Variants in CEP128 observed in about 807,000 individuals in gnomAD.
CEP128 encodes centrosomal protein 128.
A neutral mutation model predicts 156.7 loss-of-function variants in CEP128; 132 were observed. The ratio of observed to expected loss-of-function variants is 0.84; its 90% CI spans 0.73 to 0.97. The LOEUF (loss-of-function observed/expected upper bound fraction) is 0.97. Ranked by LOEUF, CEP128 falls within the 50% of genes least tolerant of loss-of-function variation. The pLI is 0.00. For synonymous variants in CEP128, 469 were observed against 448.9 expected (o/e 1.04, Z -0.57); for missense variants, 1,252 against 1,281.9 (o/e 0.98, Z 0.36).
chr14:80,782,340 C>T (rs529566711), intron 15 of CEP128, among the ~76,000 whole-genome samples: 1 of 152,300 alleles, frequency 6.6e-6, no homozygotes, highest in East Asian at 1.9e-4. Context: ...TCTGAAAATT[C>T]TTATATTGCA....
At chr14:80,927,190 G>A (rs1041578863) in intron 2 of CEP128, among the ~76,000 whole-genome samples, 6 of 152,176 alleles carry the variant, frequency 3.9e-5, no homozygotes, top group Admixed American at 6.5e-5. Flanking sequence ...CAGACACCCC[G>A]TCGGACAAAA....
chr14:80,857,734 C>CAAA (rs746111217), intron 9 of CEP128, among the ~76,000 whole-genome samples: 59 of 83,158 alleles, frequency 7.1e-4, no homozygotes, highest in African/African-American at 1.9e-3. Context: ...GACCCCATCT[C>CAAA]AAAAAAAAAC....
At chr14:80,571,766 GA>G (rs1266947175) in intron 20 of CEP128, among the ~76,000 whole-genome samples, 2 of 151,474 alleles carry the variant, frequency 1.3e-5, no homozygotes. Flanking sequence ...GGAAGAAATT[GA>G]AAGAAAAAGA....
intron 19 of CEP128, among the ~76,000 whole-genome samples, chr14:80,670,617 T>G (rs1332799194): frequency 6.6e-6 from 1 of 152,086 alleles, no homozygotes; most frequent in African/African-American, 2.4e-5. Context: ...TAATAGATAC[T>G]GGAGATTAGA....
chr14:80,898,224 TA>T (rs1281758433), intron 7 of CEP128, among the ~76,000 whole-genome samples: 2 of 152,202 alleles, frequency 1.3e-5, no homozygotes, highest in East Asian at 3.8e-4. Flanking sequence ...AATCAGTAAT[TA>T]AATGAGAATA....
At chr14:80,738,853 G>T (rs149420542) in intron 19 of CEP128, among the ~76,000 whole-genome samples, 64 of 152,286 alleles carry the variant, frequency 4.2e-4, no homozygotes, top group African/African-American at 1.4e-3. Context: ...CACATAAGGG[G>T]AGTCTACTGC....
intron 13 of CEP128, among the ~76,000 whole-genome samples, chr14:80,799,406 A>G (rs1191642442): frequency 1.3e-5 from 2 of 152,318 alleles, no homozygotes; most frequent in Non-Finnish European, 2.9e-5. Context: ...GATTGATTGT[A>G]AAATATGTGT....
chr14:80,515,993 G>A (rs1888469441), intron 23 of CEP128, among the ~76,000 whole-genome samples: 1 of 152,178 alleles, frequency 6.6e-6, no homozygotes, highest in African/African-American at 2.4e-5. Context: ...AGCCTCCTGA[G>A]TAGCTGGGAT....
chr14:80,603,799 T>C (rs1892673912), intron 19 of CEP128, among the ~76,000 whole-genome samples: 1 of 152,176 alleles, frequency 6.6e-6, no homozygotes, highest in East Asian at 1.9e-4. Flanking sequence ...TAGAATCCCA[T>C]ACTGCTAGGA....
intron 20 of CEP128, among the ~76,000 whole-genome samples, chr14:80,572,007 T>G (rs1403854841): frequency 6.6e-6 from 1 of 152,212 alleles, no homozygotes; most frequent in African/African-American, 2.4e-5. Context: ...ATTTAGCAGT[T>G]TTACCACAGT....
intron 16 of CEP128, among the ~76,000 whole-genome samples, chr14:80,776,961 A>G (rs1342213839): frequency 6.6e-6 from 1 of 152,232 alleles, no homozygotes; most frequent in Non-Finnish European, 1.5e-5. Context: ...GAAGTCACTC[A>G]ATAATTTTAC....
intron 19 of CEP128, among the ~76,000 whole-genome samples, chr14:80,609,015 A>C (rs1287311214): frequency 1.3e-5 from 2 of 152,168 alleles, no homozygotes; most frequent in Non-Finnish European, 2.9e-5. Flanking sequence ...ATGTATATTG[A>C]AGATTGAAGT....
At chr14:80,490,071 G>T (rs952491847), downstream of CEP128, among the ~76,000 whole-genome samples, 1 of 152,058 alleles carries the variant, frequency 6.6e-6, no homozygotes, top group Admixed American at 6.6e-5. Context: ...AGGGGGAGGG[G>T]CATCAACTTG....
chr14:80,762,310 T>C (rs1376391020), intron 16 of CEP128, among the ~76,000 whole-genome samples: 5 of 152,128 alleles, frequency 3.3e-5, no homozygotes, highest in Admixed American at 3.3e-4. Context: ...TCCAAATGCA[T>C]AGGGCTTGTA....
chr14:80,852,247 C>T (rs953310881), intron 9 of CEP128, among the ~76,000 whole-genome samples: 1 of 151,530 alleles, frequency 6.6e-6, no homozygotes, highest in Admixed American at 6.6e-5. Context: ...AAATTAAAAA[C>T]AATAAAAAGA....
chr14:80,508,299 T>G (rs1025343376), intron 23 of CEP128, among the ~76,000 whole-genome samples: 4 of 152,226 alleles, frequency 2.6e-5, no homozygotes, highest in Non-Finnish European at 4.4e-5. Context: ...TCTAGCAAAT[T>G]TAAAAACTAT....
At chr14:80,787,901 G>C (rs1370921299) in intron 14 of CEP128, among the ~76,000 whole-genome samples, 3 of 152,122 alleles carry the variant, frequency 2.0e-5, no homozygotes, top group African/African-American at 7.2e-5. Context: ...AGACAGGATG[G>C]TTCAAGAAGA....
At chr14:80,689,127 G>A (rs1025281776) in intron 19 of CEP128, among the ~76,000 whole-genome samples, 2 of 151,846 alleles carry the variant, frequency 1.3e-5, no homozygotes, top group Non-Finnish European at 2.9e-5. Context: ...GAGGTGGGTG[G>A]ATCACTTGAG....
intron 13 of CEP128, among the ~76,000 whole-genome samples, chr14:80,828,130 T>C (rs1416694290): frequency 6.7e-6 from 1 of 148,420 alleles, no homozygotes; most frequent in African/African-American, 2.5e-5. Flanking sequence ...TTTCTTTTTT[T>C]TTTTTTTTTT....
Sources: gnomAD v4.1 joint callset for allele counts (sites outside exome capture counted in the v4.1 genomes callset) on GRCh38, gnomAD v4.1.1 for gene constraint, MANE v1.5 for transcripts, NCBI Gene and HGNC (gene_info 2026-07-23, HGNC 2026-07-21) for gene names.